MACF1: variants seen among roughly 807,000 people sequenced by gnomAD.
The protein encoded by MACF1 is microtubule actin crosslinking factor 1, also known as microtubule-actin cross-linking factor 1.
In MACF1, 193 loss-of-function variants were observed where a neutral mutation model predicts 854.8. That is an observed-to-expected ratio of 0.23 (90% CI 0.20 to 0.25). The LOEUF (loss-of-function observed/expected upper bound fraction) is 0.25. Ranked by LOEUF, MACF1 falls within the 10% of genes least tolerant of loss-of-function variation. The pLI is 1.00. For missense variants in MACF1, 7,722 were observed against 8,929.1 expected (o/e 0.86, Z 5.45); for synonymous variants, 3,185 against 3,226.7 (o/e 0.99, Z 0.44).
At chr1:39,425,331 A>G (rs1010310673) in intron 61 of MACF1, among the ~76,000 whole-genome samples, 3 of 152,042 alleles carry the variant, frequency 2.0e-5, no homozygotes, top group Non-Finnish European at 4.4e-5. Flanking sequence ...TCACTCTACC[A>G]CTAACCCTGG....
At chr1:39,135,816 C>CT (rs1297151706) in intron 2 of MACF1, among the ~76,000 whole-genome samples, 1 of 152,130 alleles carries the variant, frequency 6.6e-6, no homozygotes, top group Non-Finnish European at 1.5e-5. Context: ...TACAGTTTGT[C>CT]TATCTTGCTT....
intron 53 of MACF1, 50 bp downstream of exon 53, chr1:39,378,573 T>G (rs2148551841): frequency 2.0e-6 from 3 of 1,514,004 alleles, no homozygotes; most frequent in Non-Finnish European, 2.8e-6. Flanking sequence ...GTTAGGACAG[T>G]GTCTATGTTT....
chr1:39,086,209 T>C (rs1282118787), intron 2 of MACF1, among the ~76,000 whole-genome samples: 3 of 152,178 alleles, frequency 2.0e-5, no homozygotes, highest in African/African-American at 4.8e-5. Context: ...TTTGAGGATA[T>C]TATGTGATGT....
In MACF1 at chr1:39,468,740, A is replaced by G. The variant is rs1358478742; in HGVS notation, c.21889+8A>G. On this transcript the variant is annotated splice_region_variant and intron_variant, in intron 96 of 100. Coordinates refer to ENST00000564288, the MANE Select transcript of MACF1 (RefSeq NM_001394062.1). Reference sequence around the variant, plus strand: ...AAAATGATCCCTGCCGAGGTAAGGAACCATTCTAAGCATGAATTACGTGTT... The same window carrying G: ...AAAATGATCCCTGCCGAGGTAAGGAGCCATTCTAAGCATGAATTACGTGTT... The G allele has an allele frequency of 8.1e-6, 13 of 1,610,132 alleles. No individual in the cohort carries two copies. The highest frequency in any genetic ancestry group is 1.1e-5 in the Non-Finnish European group (13 of 1,176,326).
chr1:39,369,306 ACTT>A (rs1649024988), intron 50 of MACF1, among the ~76,000 whole-genome samples: 1 of 152,188 alleles, frequency 6.6e-6, no homozygotes, highest in Admixed American at 6.5e-5. Context: ...CATGAACAAG[ACTT>A]CTTATCTAAG....
chr1:39,163,439 A>G (rs1643846166), intron 2 of MACF1, among the ~76,000 whole-genome samples: 1 of 152,146 alleles, frequency 6.6e-6, no homozygotes, highest in Non-Finnish European at 1.5e-5. Flanking sequence ...ATATTACCCA[A>G]GACAAAATTA....
chr1:39,457,176 A>G (rs1337142239), intron 89 of MACF1: 1 of 152,328 alleles, frequency 6.6e-6, no homozygotes, highest in Non-Finnish European at 1.5e-5. Flanking sequence ...ACAGTAAACT[A>G]GAAGCAGTTC....
intron 72 of MACF1, among the ~76,000 whole-genome samples, chr1:39,440,538 C>T (rs2148664085): frequency 6.6e-6 from 1 of 151,988 alleles, no homozygotes; most frequent in South Asian, 2.1e-4. Context: ...AAATTCTTTC[C>T]CTCCCCACCT....
chr1:39,469,342 G>T (rs573983751), intron 96 of MACF1, among the ~76,000 whole-genome samples: 13 of 152,278 alleles, frequency 8.5e-5, no homozygotes, highest in African/African-American at 2.4e-4. Flanking sequence ...GCAGCTAGGG[G>T]GTGTGTGGGG....
Position 39,340,583 on chromosome 1 carries a change from C to G in MACF1, c.10297C>G (p.Pro3433Ala), listed in dbSNP as rs1354035753. The G allele has an allele frequency of 6.2e-7, 1 of 1,614,136 alleles. No homozygotes were observed. The highest frequency in any genetic ancestry group is 1.1e-5 in the South Asian group (1 of 91,086). The change falls in exon 39 of 101, where the codon CCT (proline) becomes GCT (alanine). Residue 3433 changes from proline to alanine, a missense_variant. Transcript: ENST00000564288. ...ECVNQIIISQ[P>A]QEVPAQLLKA... ...TGTGAATCAGATTATCATCAGCCAG[C>G]CTCAAGAAGTTCCTGCTCAACTGTT... is the stretch of plus-strand genomic sequence containing the variant.
chr1:39,464,840 G>A (rs573482800), intron 94 of MACF1: 31 of 414,838 alleles, frequency 7.5e-5, no homozygotes, highest in South Asian at 2.7e-4. Context: ...CTTGAACGCC[G>A]GGGTCGGAGG....
intron 100 of MACF1, chr1:39,485,261 G>A: frequency 2.3e-6 from 1 of 441,446 alleles, no homozygotes; most frequent in Non-Finnish European, 4.0e-6. Flanking sequence ...CTGTGCTGAG[G>A]TGGTTGAGCA....
intron 57 of MACF1, among the ~76,000 whole-genome samples, chr1:39,386,579 G>A (rs1004171237): frequency 7.2e-5 from 11 of 152,026 alleles, no homozygotes; most frequent in Non-Finnish European, 1.5e-4. Flanking sequence ...CTACAAGCAC[G>A]TGCCACCATG....
chr1:39,168,201 A>G (rs1320506812), intron 2 of MACF1, among the ~76,000 whole-genome samples: 1 of 152,192 alleles, frequency 6.6e-6, no homozygotes, highest in Non-Finnish European at 1.5e-5. Context: ...CCATCTTTGC[A>G]TAACTTTTTA....
At position 39,296,811 on chromosome 1, in the gene MACF1, A is replaced by AAAGAAAGGAAGG. The variant is rs1491230575; in HGVS notation, c.2356-806_2356-805insAAAGGAAGGAAG. On this transcript the variant is annotated intron_variant, in intron 20 of 100. Transcript: ENST00000564288. ...AAGAAAGGAAGGAAGGAAAAGAAAGAAAGGAAGGAAGGAAGGAAGGAAGGA... is the reference window on the plus strand; with the variant it reads ...AAGAAAGGAAGGAAGGAAAAGAAAGAAAGAAAGGAAGGAAGGAAGGAAGGAAGGAAGGAAGGA... 2.6e-3 allele frequency among the ~76,000 whole-genome samples: 276 copies of AAAGAAAGGAAGG among 106,298 alleles called. 4 individuals carry two copies. Among genetic ancestry groups the AAAGAAAGGAAGG allele is most frequent in the Middle Eastern group, 0.011 (2 of 186 alleles). The allele number at this position is 106,298 out of a possible 152,430, so 69.7% of individuals were successfully genotyped here.
In MACF1 at chr1:39,285,287, C is replaced by T. The variant is rs1645621542; in HGVS notation, c.1260-10C>T. ...ACCTTGCACATGACTATGGTTTTAT[C>T]TTATTTCAGGCTGGAATTGCTGCTA... On this transcript the variant is annotated splice_polypyrimidine_tract_variant and intron_variant, in intron 12 of 100. Transcript: ENST00000564288. 1 of 1,614,020 alleles carries T rather than the reference C, an allele frequency of 6.2e-7. No homozygotes were observed.
chr1:39,186,253 T>TG (rs1249665154), intron 2 of MACF1, among the ~76,000 whole-genome samples: 16 of 136,456 alleles, frequency 1.2e-4, no homozygotes, highest in Non-Finnish European at 2.4e-4. Flanking sequence ...TGTGTTTTGG[T>TG]GGGGGGTGAA....
chr1:39,469,631 T>C lies in MACF1; in HGVS notation c.21958+16T>C. ...TCTCCCATAGGTTGGCTTTTAAGCT[T>C]TGTCCCTCTTCCTCACACCCTAGCC... On this transcript the variant is annotated intron_variant, in intron 97 of 100. Transcript: ENST00000564288. 6.5e-7 allele frequency: 1 copy of C among 1,545,532 alleles called. No homozygotes were observed. The highest frequency in any genetic ancestry group is 8.8e-7 in the Non-Finnish European group (1 of 1,142,356).
At position 39,427,574 on chromosome 1, in the gene MACF1, C is replaced by T; in HGVS notation, c.16436C>T (p.Thr5479Ile). 1 of 1,614,072 alleles carries T rather than the reference C, an allele frequency of 6.2e-7. No individual in the cohort carries two copies. The highest frequency in any genetic ancestry group is 8.5e-7 in the Non-Finnish European group (1 of 1,179,976). ...CTTGCTAACTCAGAACCTGTTGGCA[C>T]TCAGACTGCCAAAATACAGCAGCAG... ...KKLANSEPVG[T>I]QTAKIQQQII... The change falls in exon 62 of 101, where the codon ACT becomes ATT. Residue 5479 changes from threonine to isoleucine, a missense_variant. Physicochemically the swap from Thr to Ile is moderately conservative, Grantham distance 89. Around this residue, in one of 15 missense-constraint regions of MACF1, gnomAD observed 2,807 missense variants for 3,235.8 expected, o/e 0.87. Transcript: ENST00000564288.
Sources: gnomAD v4.1 joint callset for allele counts (sites outside exome capture counted in the v4.1 genomes callset) on GRCh38, gnomAD v4.1.1 for gene constraint, gnomAD v4.1.1 regional missense constraint, MANE v1.5 for transcripts, NCBI Gene and HGNC (gene_info 2026-07-23, HGNC 2026-07-21) for gene names.